Variants in ANKRD42 observed in about 807,000 individuals in gnomAD.
The protein encoded by ANKRD42 is ankyrin repeat domain-containing protein 42.
ANKRD42 carries 43 observed loss-of-function variants against 51.5 expected under a neutral mutation model. The observed-to-expected ratio is 0.83, with a 90% confidence interval of 0.65 to 1.08. The LOEUF (loss-of-function observed/expected upper bound fraction) is 1.08, where lower values mean the gene tolerates loss of function less well. ANKRD42 is among the 50% of genes least tolerant of loss of function. The pLI is 0.00. For missense variants in ANKRD42, 608 were observed against 629.3 expected (o/e 0.97, Z 0.36); for synonymous variants, 203 against 213.0 (o/e 0.95, Z 0.41).
chr11:83,237,383 A>G (rs532719568), intron 8 of ANKRD42, among the ~76,000 whole-genome samples: 19 of 151,852 alleles, frequency 1.3e-4, no homozygotes, highest in African/African-American at 4.1e-4. Context: ...GAAAGAAAAA[A>G]CTTTTCTTTT....
intron 5 of ANKRD42, among the ~76,000 whole-genome samples, chr11:83,222,943 A>G (rs1016449864): frequency 6.6e-6 from 1 of 152,008 alleles, no homozygotes; most frequent in Non-Finnish European, 1.5e-5. Context: ...ACATGATCTG[A>G]CCCATGTTTA....
At chr11:83,244,829 A>T (rs915802630) in intron 9 of ANKRD42, among the ~76,000 whole-genome samples, 1 of 152,128 alleles carries the variant, frequency 6.6e-6, no homozygotes, top group African/African-American at 2.4e-5. Context: ...AATCAAGTAT[A>T]TTTCAGTTTT....
chr11:83,241,405 A>G (rs920118085), intron 9 of ANKRD42, among the ~76,000 whole-genome samples: 1 of 152,128 alleles, frequency 6.6e-6, no homozygotes, highest in East Asian at 1.9e-4. Context: ...AAATAGATAT[A>G]TAAAGTAAAT....
chr11:83,238,632 A>G (rs1216516125), intron 8 of ANKRD42, among the ~76,000 whole-genome samples: 1 of 152,146 alleles, frequency 6.6e-6, no homozygotes, highest in Non-Finnish European at 1.5e-5. Flanking sequence ...GGAGTTTGAG[A>G]TCAGGCTGAC....
chr11:83,217,771 A>G (rs769349100), intron 5 of ANKRD42, among the ~76,000 whole-genome samples: 2 of 152,156 alleles, frequency 1.3e-5, no homozygotes, highest in African/African-American at 4.8e-5. Flanking sequence ...TTCTGGTTGG[A>G]CAATCTTTAA....
downstream of ANKRD42, among the ~76,000 whole-genome samples, chr11:83,258,429 C>G (rs1483972652): frequency 6.6e-6 from 1 of 152,022 alleles, no homozygotes; most frequent in Non-Finnish European, 1.5e-5. Flanking sequence ...AAAGAGTACT[C>G]AGGTTGAACC....
chr11:83,232,700 A>G (rs1226863611), intron 7 of ANKRD42, among the ~76,000 whole-genome samples: 1 of 152,042 alleles, frequency 6.6e-6, no homozygotes, highest in Non-Finnish European at 1.5e-5. Flanking sequence ...CATATTCACT[A>G]TTATACTAGC....
At chr11:83,210,201 T>C in intron 3 of ANKRD42, 99 bp from the exon 4 acceptor site, 1 of 1,192,854 alleles carries the variant, frequency 8.4e-7, no homozygotes, top group Non-Finnish European at 1.2e-6. Context: ...AGAATTTAGC[T>C]ATAGATTAAT....
chr11:83,260,597 A>G (rs1863885088), downstream of ANKRD42: 1 of 152,224 alleles, frequency 6.6e-6, no homozygotes, highest in Admixed American at 6.5e-5. Context: ...TCTATACTGC[A>G]GATTCCCTGT....
intron 6 of ANKRD42, among the ~76,000 whole-genome samples, chr11:83,226,589 A>G (rs549645174): frequency 1.1e-4 from 17 of 152,238 alleles, no homozygotes; most frequent in Non-Finnish European, 1.9e-4. Flanking sequence ...CTATAATGCT[A>G]TGGTAATCAA....
At chr11:83,232,397 A>G (rs1018559253) in intron 7 of ANKRD42, among the ~76,000 whole-genome samples, 1 of 151,944 alleles carries the variant, frequency 6.6e-6, no homozygotes, top group South Asian at 2.1e-4. Context: ...TGGATTGTTC[A>G]CTGTTGGCAT....
At chr11:83,211,270 A>C (rs1319498100) in intron 4 of ANKRD42, 25 bp from the exon 5 acceptor site, 1 of 1,613,814 alleles carries the variant, frequency 6.2e-7, no homozygotes, top group East Asian at 2.2e-5. Flanking sequence ...GGGAGAAACT[A>C]AGTCCTTGTG....
At chr11:83,251,688 T>C (rs940383194), downstream of ANKRD42, among the ~76,000 whole-genome samples, 1 of 152,202 alleles carries the variant, frequency 6.6e-6, no homozygotes, top group African/African-American at 2.4e-5. Flanking sequence ...TGAAAACTTT[T>C]GATGATAGCT....
chr11:83,207,496 A>G (rs530195852), intron 3 of ANKRD42, among the ~76,000 whole-genome samples: 17 of 152,246 alleles, frequency 1.1e-4, no homozygotes, highest in Non-Finnish European at 2.2e-4. Flanking sequence ...TGGAGGAAAT[A>G]AAACATCAGC....
At chr11:83,200,615 A>T (rs1043578948) in intron 2 of ANKRD42, among the ~76,000 whole-genome samples, 1 of 152,208 alleles carries the variant, frequency 6.6e-6, no homozygotes, top group Non-Finnish European at 1.5e-5. Context: ...ACTAGTCACT[A>T]GGTCAGTTGA....
At chr11:83,202,089 T>G (rs373369229) in intron 2 of ANKRD42, among the ~76,000 whole-genome samples, 3 of 152,268 alleles carry the variant, frequency 2.0e-5, no homozygotes, top group African/African-American at 7.2e-5. Context: ...CAGAATGGTA[T>G]TGCCTAGTTT....
At chr11:83,199,880 A>G (rs1429357056) in intron 2 of ANKRD42, among the ~76,000 whole-genome samples, 1 of 152,168 alleles carries the variant, frequency 6.6e-6, no homozygotes, top group African/African-American at 2.4e-5. Context: ...CTTAAATGTT[A>G]TTATAAACAA....
chr11:83,249,233 G>C (rs685398), downstream of ANKRD42, among the ~76,000 whole-genome samples: 109,619 of 152,100 alleles, frequency 0.72, 40,292 homozygotes, highest in African/African-American at 0.85. Flanking sequence ...TGGACAGGGT[G>C]TTGCTCTTGT....
chr11:83,221,783 C>A (rs1418679618), intron 5 of ANKRD42, among the ~76,000 whole-genome samples: 2 of 152,178 alleles, frequency 1.3e-5, no homozygotes, highest in African/African-American at 4.8e-5. Context: ...TGCTGAACAG[C>A]CACTCTGATT....
Sources: allele counts gnomAD v4.1 joint callset (sites outside exome capture counted in the v4.1 genomes callset), GRCh38; gene constraint gnomAD v4.1.1; transcripts MANE v1.5; gene names NCBI Gene and HGNC (gene_info 2026-07-23, HGNC 2026-07-21).